COLEC10: variants seen among roughly 807,000 people sequenced by gnomAD.
COLEC10 encodes the protein collectin-10.
In COLEC10, 22 loss-of-function variants were observed where a neutral mutation model predicts 28.4. The ratio of observed to expected loss-of-function variants is 0.78; its 90% CI spans 0.55 to 1.11. COLEC10 has a LOEUF of 1.11. Ranked by LOEUF, COLEC10 falls within the 50% of genes least tolerant of loss-of-function variation. The pLI is 0.00. For missense variants in COLEC10, 361 were observed against 344.1 expected (o/e 1.05, Z -0.39); for synonymous variants, 125 against 116.1 (o/e 1.08, Z -0.49).
At chr8:119,040,136 A>C (rs1814467386) in intron 2 of COLEC10, among the ~76,000 whole-genome samples, 1 of 152,200 alleles carries the variant, frequency 6.6e-6, no homozygotes, top group Non-Finnish European at 1.5e-5. Context: ...AGTACAGATA[A>C]TATTAAATTA....
intron 2 of COLEC10, among the ~76,000 whole-genome samples, chr8:119,059,879 C>T (rs1267660054): frequency 2.6e-5 from 4 of 152,004 alleles, no homozygotes; most frequent in East Asian, 3.9e-4. Flanking sequence ...TAATTTTGAA[C>T]AAATCAAAAG....
intron 3 of COLEC10, among the ~76,000 whole-genome samples, chr8:119,092,627 C>T (rs528613394): frequency 1.3e-5 from 2 of 152,146 alleles, no homozygotes; most frequent in African/African-American, 4.8e-5. Flanking sequence ...AATTAGAGGC[C>T]GGATGCAGTG....
At chr8:119,066,784 G>T (rs1814972669), upstream of COLEC10, among the ~76,000 whole-genome samples, 1 of 152,172 alleles carries the variant, frequency 6.6e-6, no homozygotes, top group South Asian at 2.1e-4. Context: ...AGAGTAAGAA[G>T]GTCATGGAGG....
chr8:118,952,550 CTGAT>C, the COLEC10 span, among the ~76,000 whole-genome samples: 1 of 152,206 alleles, frequency 6.6e-6, no homozygotes, highest in African/African-American at 2.4e-5. Flanking sequence ...TAACTAATGT[CTGAT>C]TGGCCCTAAA....
chr8:118,978,833 A>T, the COLEC10 span, among the ~76,000 whole-genome samples: 16 of 152,184 alleles, frequency 1.1e-4, no homozygotes, highest in East Asian at 1.5e-3. Context: ...TAAATACCAG[A>T]TAAACCTCTC....
intron 1 of COLEC10, among the ~76,000 whole-genome samples, chr8:119,069,622 AAAAAAAAATATATATATATATAT>A (rs200630910): frequency 0.033 from 2,319 of 71,106 alleles, 191 homozygotes; most frequent in East Asian, 0.22. Flanking sequence ...AAAAAAAAAA[AAAAAAAAATATATATATATATAT>A]ATATATATAT....
chr8:119,077,650 C>T (rs556672154), intron 1 of COLEC10, among the ~76,000 whole-genome samples: 192 of 152,284 alleles, frequency 1.3e-3, no homozygotes, highest in Admixed American at 2.2e-3. Context: ...TTAGTAAAGA[C>T]TCTGAGTCTT....
chr8:119,069,812 ACT>A (rs1447546877), intron 1 of COLEC10, among the ~76,000 whole-genome samples: 1 of 151,464 alleles, frequency 6.6e-6, no homozygotes, highest in African/African-American at 2.4e-5. Flanking sequence ...CTGCGTTATT[ACT>A]GTTTTTTCAA....
At chr8:119,020,832 A>G (rs1814077217) in intron 2 of COLEC10, among the ~76,000 whole-genome samples, 1 of 152,170 alleles carries the variant, frequency 6.6e-6, no homozygotes, top group Non-Finnish European at 1.5e-5. Context: ...TTAAGAAAAT[A>G]ACCCCTTTTA....
the COLEC10 span, among the ~76,000 whole-genome samples, chr8:118,955,142 A>T: frequency 0.19 from 29,101 of 152,142 alleles, 2,885 homozygotes; most frequent in East Asian, 0.32. Context: ...ACAGAGAAAA[A>T]GGAGGAGAAA....
At chr8:119,017,074 T>G (rs183459793) in intron 2 of COLEC10, among the ~76,000 whole-genome samples, 230 of 152,318 alleles carry the variant, frequency 1.5e-3, no homozygotes, top group Non-Finnish European at 2.6e-3. Flanking sequence ...CATTGTGGTT[T>G]TGATTTGCAC....
the COLEC10 span, among the ~76,000 whole-genome samples, chr8:118,979,845 A>G: frequency 6.6e-6 from 1 of 152,082 alleles, no homozygotes. Flanking sequence ...ATACCATCAG[A>G]CATCTTAAAA....
chr8:119,033,722 T>A (rs1175523509), intron 2 of COLEC10, among the ~76,000 whole-genome samples: 2 of 152,100 alleles, frequency 1.3e-5, no homozygotes, highest in East Asian at 3.9e-4. Context: ...ATGGTGATCA[T>A]TTAAAAAGTC....
At chr8:119,046,423 A>G (rs977586394) in intron 2 of COLEC10, among the ~76,000 whole-genome samples, 1 of 152,166 alleles carries the variant, frequency 6.6e-6, no homozygotes, top group Non-Finnish European at 1.5e-5. Context: ...GTGGCTCTAT[A>G]CAGATTATAA....
At chr8:119,001,847 A>G (rs1380650238) in intron 1 of COLEC10, among the ~76,000 whole-genome samples, 2 of 152,202 alleles carry the variant, frequency 1.3e-5, no homozygotes, top group Non-Finnish European at 2.9e-5. Flanking sequence ...AAAAAGAATA[A>G]TCTGTAATTC....
chr8:119,017,306 A>T (rs990016403), intron 2 of COLEC10, among the ~76,000 whole-genome samples: 11 of 152,190 alleles, frequency 7.2e-5, no homozygotes, highest in African/African-American at 2.7e-4. Context: ...AGGAACTGTT[A>T]ATTATAAGGC....
chr8:119,045,059 G>A (rs1326776826), intron 2 of COLEC10, among the ~76,000 whole-genome samples: 1 of 151,972 alleles, frequency 6.6e-6, no homozygotes, highest in Non-Finnish European at 1.5e-5. Flanking sequence ...TCCTTCCCTT[G>A]GAATATGTAT....
the COLEC10 span, chr8:118,982,605 T>TAGTCC: frequency 5.1e-6 from 1 of 196,532 alleles, no homozygotes; most frequent in African/African-American, 2.3e-5. Flanking sequence ...AGCTGTCCCA[T>TAGTCC]AGTTAGGCTG....
chr8:118,959,795 A>G, the COLEC10 span, among the ~76,000 whole-genome samples: 1 of 152,198 alleles, frequency 6.6e-6, no homozygotes, highest in African/African-American at 2.4e-5. Context: ...CATGCCAGAC[A>G]CTGTGAAACC....
Sources: allele counts gnomAD v4.1 joint callset (sites outside exome capture counted in the v4.1 genomes callset), GRCh38; gene constraint gnomAD v4.1.1; transcripts MANE v1.5; gene names NCBI Gene and HGNC (gene_info 2026-07-23, HGNC 2026-07-21).